PRKCA: variants seen among roughly 807,000 people sequenced by gnomAD.
The protein encoded by PRKCA is protein kinase C alpha type.
Under a neutral mutation model 87.0 loss-of-function variants are expected in PRKCA, and 27 were observed. The observed-to-expected ratio is 0.31, with a 90% CI of 0.23 to 0.43. The LOEUF (loss-of-function observed/expected upper bound fraction) is 0.43, where lower values mean the gene tolerates loss of function less well. PRKCA is among the 20% of genes least tolerant of loss of function. The pLI is 1.00. For missense variants in PRKCA, 518 were observed against 852.3 expected (o/e 0.61, Z 4.88); for synonymous variants, 329 against 311.1 (o/e 1.06, Z -0.61).
At chr17:66,321,791 G>A (rs983516701) in intron 2 of PRKCA, among the ~76,000 whole-genome samples, 35 of 152,206 alleles carry the variant, frequency 2.3e-4, no homozygotes, top group African/African-American at 8.2e-4. Context: ...TGATCCACCC[G>A]CCTCAGCCTC....
intron 8 of PRKCA, among the ~76,000 whole-genome samples, chr17:66,700,399 G>A (rs1293090900): frequency 6.6e-6 from 1 of 152,264 alleles, no homozygotes; most frequent in South Asian, 2.1e-4. Flanking sequence ...TGAACAAAAT[G>A]AGGATGCCCA....
At chr17:66,437,513 C>A (rs1013507747) in intron 2 of PRKCA, among the ~76,000 whole-genome samples, 1 of 152,020 alleles carries the variant, frequency 6.6e-6, no homozygotes, top group Non-Finnish European at 1.5e-5. Flanking sequence ...GGAAACATAA[C>A]TTTTGGAAAC....
chr17:66,643,715 A>G (rs1192801208), intron 4 of PRKCA, among the ~76,000 whole-genome samples: 1 of 152,174 alleles, frequency 6.6e-6, no homozygotes, highest in African/African-American at 2.4e-5. Context: ...GAGGAGAGCA[A>G]GCCGATGAGC....
At chr17:66,723,888 G>C (rs2144170144) in intron 8 of PRKCA, among the ~76,000 whole-genome samples, 1 of 152,216 alleles carries the variant, frequency 6.6e-6, no homozygotes, top group South Asian at 2.1e-4. Flanking sequence ...GAGCTCTTTG[G>C]AATCCAAGTT....
At chr17:66,650,086 A>G (rs932408114) in intron 5 of PRKCA, among the ~76,000 whole-genome samples, 41 of 152,232 alleles carry the variant, frequency 2.7e-4, no homozygotes, top group African/African-American at 9.6e-4. Context: ...AATGCACTTA[A>G]ACCTGAACCC....
At chr17:66,630,817 C>T (rs1970990372) in intron 3 of PRKCA, among the ~76,000 whole-genome samples, 1 of 152,208 alleles carries the variant, frequency 6.6e-6, no homozygotes, top group African/African-American at 2.4e-5. Flanking sequence ...AGTTTGAAGT[C>T]CTAACCCATC....
intron 8 of PRKCA, among the ~76,000 whole-genome samples, chr17:66,720,991 GAAAGAAGTCCCAATCCAGACCCC>G (rs1296166595): frequency 6.6e-6 from 1 of 152,164 alleles, no homozygotes; most frequent in Non-Finnish European, 1.5e-5. Context: ...TACGTTACTG[GAAAGAAGTCCCAATCCAGACCCC>G]AAGAGAGAGT....
intron 5 of PRKCA, among the ~76,000 whole-genome samples, chr17:66,679,387 T>C (rs1042468367): frequency 3.9e-5 from 6 of 152,136 alleles, no homozygotes; most frequent in Non-Finnish European, 7.4e-5. Context: ...TTCACCGTGT[T>C]AGCCAGGATG....
chr17:66,567,521 C>T lies in PRKCA; in HGVS notation c.288+71238C>T, dbSNP rs143381005. Among the ~76,000 whole-genome samples the T allele has an allele frequency of 3.6e-4, 55 of 152,358 alleles. 1 individual carries two copies. In the East Asian group the frequency reaches 6.2e-3, roughly 17 times the overall value. On this transcript the variant is annotated intron_variant, in intron 3 of 16. Coordinates refer to ENST00000413366, the MANE Select transcript of PRKCA (RefSeq NM_002737.3). ...CTATGCCTTGTACCAGCCCTTGATG[C>T]TGTTGCCTGAATTCCCAGTGGGAAG...
intron 2 of PRKCA, among the ~76,000 whole-genome samples, chr17:66,433,953 G>A (rs1249484600): frequency 6.6e-6 from 1 of 152,074 alleles, no homozygotes; most frequent in Non-Finnish European, 1.5e-5. Context: ...TCATTAGTAG[G>A]CCTTGCCCTG....
chr17:66,339,058 G>C (rs1161068714), intron 2 of PRKCA, among the ~76,000 whole-genome samples: 2 of 152,158 alleles, frequency 1.3e-5, no homozygotes, highest in Non-Finnish European at 2.9e-5. Flanking sequence ...TTAAGGAATG[G>C]ATGATAACTT....
chr17:66,316,120 A>T (rs1598585807), intron 2 of PRKCA, among the ~76,000 whole-genome samples: 1 of 152,194 alleles, frequency 6.6e-6, no homozygotes, highest in Non-Finnish European at 1.5e-5. Flanking sequence ...AGGGAATGGC[A>T]TGCGTGAGAG....
intron 2 of PRKCA, among the ~76,000 whole-genome samples, chr17:66,423,714 A>G (rs1459291484): frequency 6.6e-6 from 1 of 152,198 alleles, no homozygotes; most frequent in Non-Finnish European, 1.5e-5. Context: ...GAGAAACACA[A>G]TCATACCATG....
chr17:66,624,175 A>C (rs1159289623), intron 3 of PRKCA, among the ~76,000 whole-genome samples: 1 of 151,992 alleles, frequency 6.6e-6, no homozygotes, highest in African/African-American at 2.4e-5. Context: ...TGAAGAGTTA[A>C]TCTGACTGGG....
At chr17:66,400,414 A>G (rs1455106748) in intron 2 of PRKCA, among the ~76,000 whole-genome samples, 2 of 152,158 alleles carry the variant, frequency 1.3e-5, no homozygotes, top group Non-Finnish European at 2.9e-5. Context: ...GGCCTCCCCA[A>G]GTGCTGGGAT....
chr17:66,612,034 G>T (rs1166435124), intron 3 of PRKCA, among the ~76,000 whole-genome samples: 1 of 151,012 alleles, frequency 6.6e-6, no homozygotes, highest in Non-Finnish European at 1.5e-5. Flanking sequence ...CCATTGATGG[G>T]AAAAACACTT....
rs1471857760 is a variant in PRKCA, at chr17:66,532,501, G to T, written c.288+36218G>T. Among the ~76,000 whole-genome samples the T allele has an allele frequency of 4.6e-5, 7 of 151,916 alleles. No individual in the cohort carries two copies. In the East Asian group the frequency reaches 1.4e-3, roughly 29 times the overall value. ...GTGCTTCCACCTCCTGAGGAGCTGGGATTACAAGCATGCACCACCATGCCC... is the reference window on the plus strand; with the variant it reads ...GTGCTTCCACCTCCTGAGGAGCTGGTATTACAAGCATGCACCACCATGCCC... On this transcript the variant is annotated intron_variant, in intron 3 of 16. Transcript: ENST00000413366.
At chr17:66,748,839 G>A (rs1054051859) in intron 13 of PRKCA, among the ~76,000 whole-genome samples, 3 of 152,054 alleles carry the variant, frequency 2.0e-5, no homozygotes, top group Non-Finnish European at 4.4e-5. Flanking sequence ...GAGGGAGGGC[G>A]GGAAGGAGGG....
intron 2 of PRKCA, among the ~76,000 whole-genome samples, chr17:66,386,337 T>C (rs2143613917): frequency 6.6e-6 from 1 of 152,336 alleles, no homozygotes; most frequent in Non-Finnish European, 1.5e-5. Flanking sequence ...GCCCAGTTGA[T>C]GGGCATTTAA....
Sources: allele counts gnomAD v4.1 joint callset (sites outside exome capture counted in the v4.1 genomes callset), GRCh38; gene constraint gnomAD v4.1.1; transcripts MANE v1.5; gene names NCBI Gene and HGNC (gene_info 2026-07-23, HGNC 2026-07-21).